Variants in PCGF2 observed in about 807,000 individuals in gnomAD.
The protein encoded by PCGF2 is polycomb group RING finger protein 2.
Under a neutral mutation model 36.1 loss-of-function variants are expected in PCGF2, and 8 were observed. The observed-to-expected ratio is 0.22, with a 90% confidence interval of 0.13 to 0.40. PCGF2 has a LOEUF of 0.40. PCGF2 is among the 10% of genes least tolerant of loss of function. The pLI, the probability that PCGF2 is intolerant of heterozygous loss-of-function variation, is 1.00. For synonymous variants in PCGF2, 198 were observed against 191.2 expected (o/e 1.04, Z -0.29); for missense variants, 436 against 475.9 (o/e 0.92, Z 0.78).
chr17:38,739,549 A>G lies in PCGF2; in HGVS notation c.209+37T>C. 4 of 1,486,916 alleles carry G rather than the reference A, an allele frequency of 2.7e-6. No individual in the cohort carries two copies. The highest frequency in any genetic ancestry group is 3.8e-6 in the Non-Finnish European group (4 of 1,063,968). 92.1% of individuals were successfully genotyped at this position (1,486,916 alleles called of 1,614,324 possible). A position where few individuals can be genotyped will look rare whatever the true frequency, so the allele number is the denominator to read the frequency against. ...GGAGGGATGGGGGAGGCTGACCCAG[A>G]GGATCGCGGGGACAGGAGGTGCCGT... On this transcript the variant is annotated intron_variant, in intron 4 of 10. Transcript: ENST00000620225. The surrounding 1 kb of genome is among the most constrained non-coding windows in gnomAD (Gnocchi z 4.0).
At position 38,739,694 on chromosome 17, in the gene PCGF2, G is replaced by GGA; in HGVS notation, c.113-14_113-13dup. On this transcript the variant is annotated splice_polypyrimidine_tract_variant and intron_variant, in intron 3 of 10. Transcript: ENST00000620225. The surrounding 1 kb of genome is among the most constrained non-coding windows in gnomAD (Gnocchi z 4.0). ...GCAGGTTTTGCAGACTTGGGGGTGT[G>GGA]GAGAGAGAGAGGAGAGTCAGAGCCA... is the stretch of plus-strand genomic sequence containing the variant. 3 of 1,606,716 alleles carry GGA rather than the reference G, an allele frequency of 1.9e-6. No homozygotes were observed. Among genetic ancestry groups the GGA allele is most frequent in the South Asian group, 1.1e-5 (1 of 90,954 alleles).
At chr17:38,747,424 G>C (rs549912917) in intron 2 of PCGF2, among the ~76,000 whole-genome samples, 2 of 152,318 alleles carry the variant, frequency 1.3e-5, no homozygotes, top group Admixed American at 1.3e-4. Flanking sequence ...CCCAGCGCCC[G>C]GGCTTCCCCA....
rs753673427 is a variant in PCGF2, at chr17:38,735,253, G to A, written c.1005C>T (p.Val335=). Residue 335 remains valine (V), a synonymous_variant, in exon 11 of 11, where the codon GTC becomes GTT. Coordinates refer to ENST00000620225, the MANE Select transcript of PCGF2 (RefSeq NM_007144.3). Reference sequence around the variant, plus strand: ...TTAAGGGGGGCACGGGAGCGCCGTTGACAGTCATCTTGCGCCCCCTGCTGG... The same window carrying A: ...TTAAGGGGGGCACGGGAGCGCCGTTAACAGTCATCTTGCGCCCCCTGCTGG... ...SSTSRGRKMT[V]NGAPVPPLT 248 of 1,458,274 alleles carry A rather than the reference G, an allele frequency of 1.7e-4. No homozygotes were observed. The Middle Eastern group carries it at 3.5e-3, about 20-fold the overall frequency. 90.3% of individuals were successfully genotyped at this position (1,458,274 alleles called of 1,614,324 possible).
At chr17:38,738,696 GGA>G in intron 7 of PCGF2, 55 bp downstream of exon 7, 1 of 1,568,282 alleles carries the variant, frequency 6.4e-7, no homozygotes, top group Non-Finnish European at 8.8e-7. Flanking sequence ...GTCCTGGGTG[GGA>G]GAAGGGGTTA....
Position 38,738,591 on chromosome 17 carries a change from G to A in PCGF2, c.430C>T (p.Arg144Trp), listed in dbSNP as rs199504647. ...SIEFYEGARD[R>W]DEKKGPLENG... is the part of the protein sequence containing the mutation. ...TCCAGGGGGCCCTTCTTCTCGTCCC[G>A]GTCCCTGGGGACGGAGAAAGAATGA... is the stretch of plus-strand genomic sequence containing the variant. The change falls in exon 8 of 11, where the codon CGG becomes TGG. Residue 144 changes from arginine (R) to tryptophan (W), a missense_variant. This residue lies in a region of PCGF2 where 189 missense variants were observed against 219.3 expected (regional missense o/e 0.86). Coordinates refer to ENST00000620225, the MANE Select transcript of PCGF2 (RefSeq NM_007144.3). 105 of 1,571,472 alleles carry A rather than the reference G, an allele frequency of 6.7e-5. No individual in the cohort carries two copies. Among genetic ancestry groups the A allele is most frequent in the Non-Finnish European group, 8.4e-5 (97 of 1,159,744 alleles).
At chr17:38,738,503 A>G in intron 8 of PCGF2, 38 bp downstream of exon 8, 1 of 1,612,858 alleles carries the variant, frequency 6.2e-7, no homozygotes, top group Non-Finnish European at 8.5e-7. Flanking sequence ...ACTCCCTCCC[A>G]GCCCACATTC....
At chr17:38,741,635 C>T (rs1907207851) in intron 2 of PCGF2, among the ~76,000 whole-genome samples, 1 of 152,204 alleles carries the variant, frequency 6.6e-6, no homozygotes, top group South Asian at 2.1e-4. Context: ...GCACCTCCCT[C>T]CTCTAAAGTC....
Position 38,734,949 on chromosome 17 carries a change from C to A in PCGF2, c.*274G>T. On this transcript the variant is annotated 3_prime_UTR_variant, in exon 11 of 11. Coordinates refer to ENST00000620225, the MANE Select transcript of PCGF2 (RefSeq NM_007144.3). Reference sequence around the variant, plus strand: ...CAAAAACAGCAAATTACACAAGACCCCCCCCAAAAAAAATGAACACCATTT... The same window carrying A: ...CAAAAACAGCAAATTACACAAGACCACCCCCAAAAAAAATGAACACCATTT... The A allele has an allele frequency of 3.4e-6, 1 of 291,086 alleles. No individual in the cohort carries two copies. The allele number at this position is 291,086 out of a possible 1,614,324, so 18.0% of individuals were successfully genotyped here. A position where few individuals can be genotyped will look rare whatever the true frequency, so the allele number is the denominator to read the frequency against.
chr17:38,745,925 G>T (rs1346505426), intron 2 of PCGF2, among the ~76,000 whole-genome samples: 2 of 152,208 alleles, frequency 1.3e-5, no homozygotes, highest in Non-Finnish European at 2.9e-5. Context: ...CAGCCAGCCA[G>T]AGTACAGCAT....
chr17:38,743,321 C>T (rs558670322), intron 2 of PCGF2, among the ~76,000 whole-genome samples: 2 of 151,630 alleles, frequency 1.3e-5, no homozygotes, highest in African/African-American at 4.8e-5. Flanking sequence ...GAACTCCTGG[C>T]CTCAAGTGAT....
chr17:38,739,468 C>G lies in PCGF2; in HGVS notation c.209+118G>C. The G allele has an allele frequency of 1.1e-6, 1 of 949,054 alleles. No homozygotes were observed. Among genetic ancestry groups the G allele is most frequent in the Non-Finnish European group, 1.7e-6 (1 of 584,292 alleles). The allele number at this position is 949,054 out of a possible 1,614,324, so 58.8% of individuals were successfully genotyped here. A position where few individuals can be genotyped will look rare whatever the true frequency, so the allele number is the denominator to read the frequency against. ...CCAAGGTCGGGGAGTAGCCCAGGTCCACACCCCATGCTTCTCCTACACCTG... is the reference window on the plus strand; with the variant it reads ...CCAAGGTCGGGGAGTAGCCCAGGTCGACACCCCATGCTTCTCCTACACCTG... On this transcript the variant is annotated intron_variant, in intron 4 of 10. Transcript: ENST00000620225. This position sits in a 1 kb window ranked among gnomAD's most constrained non-coding sequence, Gnocchi z 4.0.
intron 9 of PCGF2, among the ~76,000 whole-genome samples, chr17:38,737,998 T>C (rs1178378346): frequency 1.3e-5 from 2 of 151,864 alleles, no homozygotes; most frequent in Non-Finnish European, 2.9e-5. Context: ...CACATATACA[T>C]TCAAGCTTGA....
chr17:38,744,862 A>G (rs559190956), intron 2 of PCGF2, among the ~76,000 whole-genome samples: 2 of 152,308 alleles, frequency 1.3e-5, no homozygotes, highest in South Asian at 4.1e-4. Context: ...GTCTTGGGAA[A>G]AGTCACTCAA....
Position 38,734,527 on chromosome 17 carries a change from GA to G in PCGF2, c.*695del, listed in dbSNP as rs5820265. ...AATGATGCAAAGGCCACACACACAG[GA>G]AAAAAAAAAAAAGAGGCAGAACTAT... On this transcript the variant is annotated 3_prime_UTR_variant, in exon 11 of 11. Coordinates refer to ENST00000620225, the MANE Select transcript of PCGF2 (RefSeq NM_007144.3). The G allele has an allele frequency of 5.4e-4, 78 of 144,230 alleles. No homozygotes were observed. Among genetic ancestry groups the G allele is most frequent in the Non-Finnish European group, 7.0e-4 (46 of 65,586 alleles). 8.9% of individuals were successfully genotyped at this position (144,230 alleles called of 1,614,324 possible).
In PCGF2 at chr17:38,739,085, G is replaced by C; in HGVS notation, c.299C>G (p.Ala100Gly). 1 of 1,613,400 alleles carries C rather than the reference G, an allele frequency of 6.2e-7. No individual in the cohort carries two copies. Among genetic ancestry groups the C allele is most frequent in the Admixed American group, 1.7e-5 (1 of 60,012 alleles). The stretch of plus-strand genomic sequence containing the variant: ...ACACTCACCCTCCGTCAGGGGGTAC[G>C]CTGCATAGAAATCCCGCCGCCGTTT... ...EMKRRRDFYAAYPLTEVPNGS... is the reference protein window; with the variant it reads ...EMKRRRDFYAGYPLTEVPNGS... The change falls in exon 6 of 11, where the codon GCG (alanine) becomes GGG (glycine). Residue 100 changes from alanine to glycine, a missense_variant. This residue lies in a region of PCGF2 where 189 missense variants were observed against 219.3 expected (regional missense o/e 0.86). Transcript: ENST00000620225. The surrounding 1 kb of genome is among the most constrained non-coding windows in gnomAD (Gnocchi z 4.0).
intron 2 of PCGF2, among the ~76,000 whole-genome samples, chr17:38,741,135 C>T (rs919369820): frequency 6.6e-6 from 1 of 151,674 alleles, no homozygotes; most frequent in Non-Finnish European, 1.5e-5. Context: ...TGTCTGTAAT[C>T]CCAGCATTTT....
At position 38,739,034 on chromosome 17, in the gene PCGF2, CTG is replaced by C. The variant is rs751313090; in HGVS notation, c.316+32_316+33del. 11 of 1,610,546 alleles carry C rather than the reference CTG, an allele frequency of 6.8e-6. No individual in the cohort carries two copies. The highest frequency in any genetic ancestry group is 2.2e-5 in the South Asian group (2 of 90,966). Reference sequence around the variant, plus strand: ...CACACCTACATGGTCCCAGGCAAGACTGTGCACACACAAACAGACGCGAGCAC... The same window carrying C: ...CACACCTACATGGTCCCAGGCAAGACTGCACACACAAACAGACGCGAGCAC... On this transcript the variant is annotated intron_variant, in intron 6 of 10. Transcript: ENST00000620225. This position sits in a 1 kb window ranked among gnomAD's most constrained non-coding sequence, Gnocchi z 4.0.
At position 38,735,241 on chromosome 17, in the gene PCGF2, G is replaced by A. The variant is rs112908318; in HGVS notation, c.1017C>T (p.Pro339=). 1.0e-4 allele frequency: 146 copies of A among 1,442,892 alleles called. 2 individuals carry two copies. The Middle Eastern group carries it at 3.3e-3, about 33-fold the overall frequency. The allele number at this position is 1,442,892 out of a possible 1,614,324, so 89.4% of individuals were successfully genotyped here. A position where few individuals can be genotyped will look rare whatever the true frequency, so the allele number is the denominator to read the frequency against. The part of the protein sequence containing the change: ...RGRKMTVNGA[P]VPPLT ...CCTGGCCTCAAGTTAAGGGGGGCAC[G>A]GGAGCGCCGTTGACAGTCATCTTGC... The change falls in exon 11 of 11, where the codon CCC becomes CCT. Residue 339 remains proline, a synonymous_variant. Coordinates refer to ENST00000620225, the MANE Select transcript of PCGF2 (RefSeq NM_007144.3).
Position 38,739,453 on chromosome 17 carries a change from G to A in PCGF2, c.209+133C>T. 5 of 900,094 alleles carry A rather than the reference G, an allele frequency of 5.6e-6. No homozygotes were observed. Among genetic ancestry groups the A allele is most frequent in the South Asian group, 5.5e-5 (4 of 73,148 alleles). 55.8% of individuals were successfully genotyped at this position (900,094 alleles called of 1,614,324 possible). On this transcript the variant is annotated intron_variant, in intron 4 of 10. Transcript: ENST00000620225. The surrounding 1 kb of genome is among the most constrained non-coding windows in gnomAD (Gnocchi z 4.0). ...GAGCCAAATGTAACCCCAAGGTCGG[G>A]GAGTAGCCCAGGTCCACACCCCATG...
Sources: gnomAD v4.1 joint callset for allele counts (sites outside exome capture counted in the v4.1 genomes callset) on GRCh38, gnomAD v4.1.1 for gene constraint, gnomAD v4.1.1 regional missense constraint, Gnocchi (gnomAD v3.1) non-coding constraint, MANE v1.5 for transcripts, NCBI Gene and HGNC (gene_info 2026-07-23, HGNC 2026-07-21) for gene names.